The following CREM variants were observed in gnomAD, a reference collection of about 807,000 sequenced individuals.
CREM encodes the protein cAMP-responsive element modulator.
Under a neutral mutation model 37.3 loss-of-function variants are expected in CREM, and 13 were observed. The ratio of observed to expected loss-of-function variants is 0.35; its 90% CI spans 0.23 to 0.55. The LOEUF (loss-of-function observed/expected upper bound fraction) is 0.55. Among genes scored for constraint, CREM ranks in the 20% least tolerant of loss-of-function variants. The probability of loss-of-function intolerance (pLI) is 0.88; values close to 1 mark genes in which losing one functional copy is unlikely to be tolerated. For synonymous variants in CREM, 124 were observed against 120.2 expected, an observed-to-expected ratio of 1.03 and a Z score of -0.21; for missense variants, 296 against 362.3, an observed-to-expected ratio of 0.82 and a Z score of 1.49.
chr10:35,157,072 A>G (rs1214555439), intron 3 of CREM, among the ~76,000 whole-genome samples: 3 of 152,236 alleles, frequency 2.0e-5, no homozygotes, highest in Non-Finnish European at 4.4e-5. Flanking sequence ...CATCCCAGGG[A>G]TGCAAGGATG....
chr10:35,195,259 T>C, intron 6 of CREM: 2 of 1,611,222 alleles, frequency 1.2e-6, no homozygotes, highest in Non-Finnish European at 1.7e-6. Flanking sequence ...TGCAGATTGT[T>C]TTGAAGTTTA....
intron 3 of CREM, among the ~76,000 whole-genome samples, chr10:35,162,465 T>G (rs1419586475): frequency 6.6e-6 from 1 of 152,212 alleles, no homozygotes; most frequent in Non-Finnish European, 1.5e-5. Flanking sequence ...TATTATTAAT[T>G]AGCTAGATTT....
chr10:35,186,112 T>C lies in CREM; in HGVS notation c.410-2088T>C, dbSNP rs113620682. On this transcript the variant is annotated intron_variant, in intron 5 of 7. Transcript: ENST00000685392. ...TTGATGTATAGATGTCATGTTATTC[T>C]GGTGATGTGTTTTTAAAATCTTCAT... Among the ~76,000 whole-genome samples, 944 of 152,344 alleles carry C rather than the reference T, an allele frequency of 6.2e-3. 12 individuals carry two copies. The highest frequency in any genetic ancestry group is 0.021 in the African/African-American group (892 of 41,572).
chr10:35,173,656 C>T (rs2093923451), intron 3 of CREM, among the ~76,000 whole-genome samples: 2 of 152,094 alleles, frequency 1.3e-5, no homozygotes, highest in Non-Finnish European at 2.9e-5. Context: ...CAGTGAAAAC[C>T]AATTGTATAA....
At chr10:35,154,605 C>T (rs2092784965) in intron 3 of CREM, 1 of 152,086 alleles carries the variant, frequency 6.6e-6, no homozygotes, top group Admixed American at 6.5e-5. Flanking sequence ...TGTATTCTTT[C>T]CCCTGGCTGT....
chr10:35,131,554 CAT>C (rs2089386449), intron 1 of CREM, among the ~76,000 whole-genome samples: 1 of 152,136 alleles, frequency 6.6e-6, no homozygotes, highest in Non-Finnish European at 1.5e-5. Context: ...CTGTATCACA[CAT>C]AAAGACCCAC....
chr10:35,158,821 GTTTTTTTTT>G (rs1271855315), intron 3 of CREM, among the ~76,000 whole-genome samples: 1 of 62,374 alleles, frequency 1.6e-5, no homozygotes, highest in Non-Finnish European at 4.1e-5. Flanking sequence ...TGTTTTGTTT[GTTTTTTTTT>G]TTTTTTTACA....
intron 6 of CREM, among the ~76,000 whole-genome samples, chr10:35,199,361 T>G (rs183661874): frequency 4.3e-4 from 65 of 152,358 alleles, no homozygotes; most frequent in African/African-American, 1.5e-3. Context: ...TTTGGGATAT[T>G]TATTTCACTT....
intron 5 of CREM, among the ~76,000 whole-genome samples, chr10:35,182,571 A>AG (rs2094397349): frequency 1.3e-5 from 2 of 152,208 alleles, no homozygotes; most frequent in Non-Finnish European, 2.9e-5. Context: ...TGTGTATCAA[A>AG]GTTGAAGAAA....
chr10:35,160,257 A>G (rs1319107719), intron 3 of CREM, among the ~76,000 whole-genome samples: 4 of 152,216 alleles, frequency 2.6e-5, no homozygotes, highest in African/African-American at 9.7e-5. Context: ...GTACAGTAAA[A>G]ATACGGTATC....
intron 6 of CREM, among the ~76,000 whole-genome samples, chr10:35,188,902 G>A (rs1046389336): frequency 6.6e-6 from 1 of 151,956 alleles, no homozygotes; most frequent in East Asian, 1.9e-4. Context: ...AGATGGAGTC[G>A]TCCTGACCTC....
intron 2 of CREM, among the ~76,000 whole-genome samples, chr10:35,144,554 A>G (rs2091842574): frequency 6.6e-6 from 1 of 152,136 alleles, no homozygotes; most frequent in African/African-American, 2.4e-5. Context: ...AGTATTGACA[A>G]AGGGAAAAGG....
Position 35,170,469 on chromosome 10 carries a change from G to A in CREM, c.169-8420G>A, listed in dbSNP as rs2093757896. Among the ~76,000 whole-genome samples the A allele has an allele frequency of 2.0e-5, 3 of 152,156 alleles. No individual in the cohort carries two copies. In the South Asian group the frequency reaches 6.2e-4, roughly 31 times the overall value. ...TCTATTGATTGGAATAGTTTCAGAA[G>A]GAATGGTACCAGCTCCTCCTTGTAC... On this transcript the variant is annotated intron_variant, in intron 3 of 7. Transcript: ENST00000685392.
intron 7 of CREM, among the ~76,000 whole-genome samples, chr10:35,209,056 G>A (rs2095605324): frequency 6.6e-6 from 1 of 152,170 alleles, no homozygotes. Flanking sequence ...AGATCACATG[G>A]CCCAAACTGG....
chr10:35,169,301 A>AG (rs2093692981), intron 3 of CREM, among the ~76,000 whole-genome samples: 1 of 152,154 alleles, frequency 6.6e-6, no homozygotes, highest in Non-Finnish European at 1.5e-5. Flanking sequence ...TTCTCCTTGA[A>AG]GAGGTCCTTC....
In CREM at chr10:35,211,836, A is replaced by T; in HGVS notation, c.*438A>T. On this transcript the variant is annotated 3_prime_UTR_variant, in exon 8 of 8. Coordinates refer to ENST00000685392, the MANE Select transcript of CREM (RefSeq NM_183011.2). ...TAACTATGAACTGAAGGCAGCATGT[A>T]TAGTTGCTTTTGAAGGAATACAATA... 6.4e-7 allele frequency: 1 copy of T among 1,564,340 alleles called. No homozygotes were observed. The highest frequency in any genetic ancestry group is 1.2e-5 in the South Asian group (1 of 83,288).
rs547427073 is a variant in CREM at position 35,179,018 on chromosome 10, A to G, written c.266+32A>G. ...TAACCAAGTTTCCTAATGTAAAGAT[A>G]CTTTTTCCAAAATGGTAGAATAATT... is the stretch of plus-strand genomic sequence containing the variant. On this transcript the variant is annotated intron_variant, in intron 4 of 7. Transcript: ENST00000685392. The G allele has an allele frequency of 1.2e-4, 185 of 1,568,748 alleles. 1 individual carries two copies. The South Asian group carries it at 2.1e-3, about 18-fold the overall frequency.
In CREM at chr10:35,141,260, G is replaced by T. The variant is rs568504966; in HGVS notation, c.44+3381G>T. Among the ~76,000 whole-genome samples, 3 of 152,310 alleles carry T rather than the reference G, an allele frequency of 2.0e-5. No individual in the cohort carries two copies. In the East Asian group the frequency reaches 5.8e-4, roughly 29 times the overall value. On this transcript the variant is annotated intron_variant, in intron 2 of 7. Coordinates refer to ENST00000685392, the MANE Select transcript of CREM (RefSeq NM_183011.2). ...CAATAAATGATGGTTATAGTTATGA[G>T]AATTAGAAGTTTGGATTTTATCCTG...
intron 5 of CREM, among the ~76,000 whole-genome samples, chr10:35,187,131 A>ATATATATT (rs1253511267): frequency 1.2e-5 from 1 of 83,742 alleles, no homozygotes; most frequent in African/African-American, 5.3e-5. Flanking sequence ...TAAATATATT[A>ATATATATT]ATATATTAAT....
Sources: allele counts gnomAD v4.1 joint callset (sites outside exome capture counted in the v4.1 genomes callset), GRCh38; gene constraint gnomAD v4.1.1; transcripts MANE v1.5; gene names NCBI Gene and HGNC (gene_info 2026-07-23, HGNC 2026-07-21).